CATSPERB: variants seen among roughly 807,000 people sequenced by gnomAD.
The protein encoded by CATSPERB is catsper channel auxiliary subunit beta.
Under a neutral mutation model 128.3 loss-of-function variants are expected in CATSPERB, and 93 were observed. The ratio of observed to expected loss-of-function variants is 0.72; its 90% confidence interval spans 0.61 to 0.86. The LOEUF is 0.86. Among genes scored for constraint, CATSPERB ranks in the 40% least tolerant of loss-of-function variants. The pLI is 0.00. For missense variants in CATSPERB, 1,153 were observed against 1,329.5 expected (o/e 0.87, Z 2.06); for synonymous variants, 381 against 448.8 (o/e 0.85, Z 1.91).
intron 7 of CATSPERB, among the ~76,000 whole-genome samples, chr14:91,700,547 T>C (rs182726352): frequency 1.3e-5 from 2 of 152,248 alleles, no homozygotes; most frequent in East Asian, 3.9e-4. Context: ...CAGGGCTTTT[T>C]TTTGTTCATA....
In CATSPERB at chr14:91,666,353, A is replaced by G. The variant is rs142292943; in HGVS notation, c.1287+3461T>C. Among the ~76,000 whole-genome samples the G allele has an allele frequency of 8.9e-3, 1,362 of 152,282 alleles. 16 individuals are homozygous for G. Among genetic ancestry groups the G allele is most frequent in the Middle Eastern group, 0.044 (13 of 294 alleles). On this transcript the variant is annotated intron_variant, in intron 14 of 26. Coordinates refer to ENST00000256343, the MANE Select transcript of CATSPERB (RefSeq NM_024764.4). ...TAGAGCGAGATAGCCAGGCCCCTCT[A>G]TACTCTAATCAAGGAGACCCGGAGG...
Position 91,589,602 on chromosome 14 carries a change from C to G in CATSPERB, c.2888G>C (p.Arg963Pro), listed in dbSNP as rs201248737. ...CAGATATGGAGATTGCAATGGGACA[C>G]GTCCATCCTCGTTGATAATTTCCAA... ...VSLEIINEDG[R>P]VPLQSPYLVT... The change falls in exon 24 of 27, where the codon CGT (arginine) becomes CCT (proline). Residue 963 changes from arginine to proline, a missense_variant. By Grantham distance (103) the Arg-to-Pro change is moderately radical. Transcript: ENST00000256343. The G allele has an allele frequency of 1.3e-5, 21 of 1,613,370 alleles. No homozygotes were observed. Among genetic ancestry groups the G allele is most frequent in the Non-Finnish European group, 1.7e-5 (20 of 1,179,464 alleles).
chr14:91,637,260 C>G (rs567084613), intron 16 of CATSPERB, among the ~76,000 whole-genome samples: 1 of 152,050 alleles, frequency 6.6e-6, no homozygotes, highest in Non-Finnish European at 1.5e-5. Flanking sequence ...GTAGATCGTG[C>G]AGACTGGTTG....
At chr14:91,601,912 C>A (rs1403867949) in intron 22 of CATSPERB, among the ~76,000 whole-genome samples, 2 of 152,028 alleles carry the variant, frequency 1.3e-5, no homozygotes, top group East Asian at 1.9e-4. Context: ...TAAAAGGCCA[C>A]CACACTTCAC....
At chr14:91,609,943 T>C (rs577528350) in intron 21 of CATSPERB, among the ~76,000 whole-genome samples, 1 of 152,070 alleles carries the variant, frequency 6.6e-6, no homozygotes, top group Non-Finnish European at 1.5e-5. Flanking sequence ...TTGGTCTCGA[T>C]ACCCTGACCT....
In CATSPERB at chr14:91,704,548, C is replaced by G. The variant is rs1450944494; in HGVS notation, c.616+4G>C. 4 of 1,607,648 alleles carry G rather than the reference C, an allele frequency of 2.5e-6. No individual in the cohort carries two copies. Among genetic ancestry groups the G allele is most frequent in the Non-Finnish European group, 3.4e-6 (4 of 1,177,532 alleles). On this transcript the variant is annotated splice_donor_region_variant and intron_variant, in intron 7 of 26. Transcript: ENST00000256343. ...GTCAACATTTAATGAAGCTGTAGAC[C>G]TACCATCAACTATTGTATCCACAAT...
chr14:91,702,442 A>G (rs961508210), intron 7 of CATSPERB, among the ~76,000 whole-genome samples: 2 of 151,738 alleles, frequency 1.3e-5, no homozygotes, highest in Non-Finnish European at 2.9e-5. Context: ...ATTCCACAGA[A>G]GCAGACTATA....
At chr14:91,604,105 T>C (rs1893656952) in intron 22 of CATSPERB, among the ~76,000 whole-genome samples, 1 of 150,880 alleles carries the variant, frequency 6.6e-6, no homozygotes, top group Non-Finnish European at 1.5e-5. Context: ...CTCAGCTCAC[T>C]GCAATCTCCA....
chr14:91,686,989 T>C (rs964237420), intron 10 of CATSPERB, among the ~76,000 whole-genome samples: 5 of 152,164 alleles, frequency 3.3e-5, no homozygotes, highest in African/African-American at 4.8e-5. Flanking sequence ...TTTTTTCCTA[T>C]GATAATTATT....
chr14:91,627,777 G>A (rs1894195443), intron 17 of CATSPERB, among the ~76,000 whole-genome samples: 1 of 152,126 alleles, frequency 6.6e-6, no homozygotes, highest in South Asian at 2.1e-4. Context: ...AGACCAGCTT[G>A]GATGCAACAT....
chr14:91,595,572 G>A (rs1277953395), intron 22 of CATSPERB, among the ~76,000 whole-genome samples: 2 of 152,106 alleles, frequency 1.3e-5, no homozygotes, highest in Non-Finnish European at 2.9e-5. Context: ...ATAAACCTGG[G>A]GCTTCTGTGC....
chr14:91,625,115 A>G, intron 17 of CATSPERB, 108 bp from the exon 18 acceptor site: 1 of 643,138 alleles, frequency 1.6e-6, no homozygotes, highest in Admixed American at 3.6e-5. Context: ...TAACTAACAA[A>G]TATTTGATTA....
chr14:91,676,680 C>A (rs959900343), intron 11 of CATSPERB, among the ~76,000 whole-genome samples: 1 of 152,104 alleles, frequency 6.6e-6, no homozygotes, highest in Non-Finnish European at 1.5e-5. Flanking sequence ...AAAAACTGAA[C>A]TGCCACATGA....
chr14:91,618,327 A>T (rs1380148343), intron 19 of CATSPERB, among the ~76,000 whole-genome samples: 1 of 152,142 alleles, frequency 6.6e-6, no homozygotes, highest in Non-Finnish European at 1.5e-5. Context: ...CTCGTATCTC[A>T]TCCTGTGGCT....
At chr14:91,703,486 G>T (rs935744384) in intron 7 of CATSPERB, among the ~76,000 whole-genome samples, 1 of 152,154 alleles carries the variant, frequency 6.6e-6, no homozygotes, top group Admixed American at 6.6e-5. Flanking sequence ...CAGACTCCCA[G>T]ATACCTTTAA....
intron 20 of CATSPERB, among the ~76,000 whole-genome samples, chr14:91,617,185 T>A (rs188471140): frequency 4.6e-5 from 7 of 152,364 alleles, no homozygotes; most frequent in Admixed American, 4.6e-4. Context: ...TACCTTTTTC[T>A]TTAATTTTTA....
At chr14:91,649,842 A>T (rs1179004462) in intron 15 of CATSPERB, among the ~76,000 whole-genome samples, 2 of 151,892 alleles carry the variant, frequency 1.3e-5, no homozygotes, top group Non-Finnish European at 2.9e-5. Flanking sequence ...TTATTTTATC[A>T]TGTGGTTCTG....
chr14:91,593,553 G>A (rs151158361), intron 22 of CATSPERB, among the ~76,000 whole-genome samples: 118 of 152,250 alleles, frequency 7.8e-4, no homozygotes, highest in African/African-American at 2.7e-3. Context: ...CTTGGTTTTG[G>A]CAAATTTCTC....
intron 2 of CATSPERB, among the ~76,000 whole-genome samples, chr14:91,727,094 CA>C (rs754395484): frequency 2.0e-5 from 3 of 152,140 alleles, no homozygotes; most frequent in Non-Finnish European, 4.4e-5. Flanking sequence ...ACAACAATTA[CA>C]ATGCAAAAGT....
Sources: allele counts gnomAD v4.1 joint callset (sites outside exome capture counted in the v4.1 genomes callset), GRCh38; gene constraint gnomAD v4.1.1; transcripts MANE v1.5; gene names NCBI Gene and HGNC (gene_info 2026-07-23, HGNC 2026-07-21).